The following URI1 variants were observed in gnomAD, a reference collection of about 807,000 sequenced individuals.
URI1 encodes unconventional prefoldin RPB5 interactor 1.
In URI1, 39 loss-of-function variants were observed where a neutral mutation model predicts 60.2. The ratio of observed to expected loss-of-function variants is 0.65; its 90% CI spans 0.50 to 0.85. The LOEUF (loss-of-function observed/expected upper bound fraction) is 0.85. Among genes scored for constraint, URI1 ranks in the 40% least tolerant of loss-of-function variants. The probability of loss-of-function intolerance (pLI) is 0.00; values close to 1 mark genes in which losing one functional copy is unlikely to be tolerated. For missense variants in URI1, 691 were observed against 665.9 expected (o/e 1.04, Z -0.42); for synonymous variants, 251 against 236.8 (o/e 1.06, Z -0.55).
chr19:29,929,933 A>G (rs545691294), intron 1 of URI1, among the ~76,000 whole-genome samples: 4 of 148,710 alleles, frequency 2.7e-5, no homozygotes, highest in Non-Finnish European at 5.9e-5. Context: ...CTCTCTTGAC[A>G]GTGTCTCTTT....
At chr19:29,967,850 C>G (rs888031360) in intron 1 of URI1, among the ~76,000 whole-genome samples, 1 of 152,204 alleles carries the variant, frequency 6.6e-6, no homozygotes, top group Non-Finnish European at 1.5e-5. Context: ...GTTACTTCAT[C>G]TCTGAATACA....
intron 1 of URI1, among the ~76,000 whole-genome samples, chr19:29,929,782 A>C (rs1393467522): frequency 6.8e-6 from 1 of 146,504 alleles, no homozygotes; most frequent in African/African-American, 2.4e-5. Context: ...TTCTTTGCTC[A>C]TTTTGGGGTT....
chr19:29,957,416 T>TA (rs1454853948), intron 1 of URI1, among the ~76,000 whole-genome samples: 2 of 152,112 alleles, frequency 1.3e-5, no homozygotes, highest in Non-Finnish European at 2.9e-5. Context: ...GAGTAATCCT[T>TA]ATGGAGTATG....
intron 10 of URI1, 125 bp downstream of exon 10, chr19:30,012,656 TAAAAA>T: frequency 8.4e-7 from 1 of 1,197,328 alleles, no homozygotes; most frequent in Non-Finnish European, 1.1e-6. Flanking sequence ...TACTAATTAA[TAAAAA>T]ATTAATAGTC....
intron 1 of URI1, among the ~76,000 whole-genome samples, chr19:29,948,968 C>T (rs1258361812): frequency 1.1e-4 from 16 of 149,828 alleles, no homozygotes; most frequent in South Asian, 4.2e-4. Context: ...GGCGGAGGCG[C>T]CCCCCACCTC....
At chr19:29,988,166 T>G (rs1386606774) in intron 4 of URI1, among the ~76,000 whole-genome samples, 1 of 26,868 alleles carries the variant, frequency 3.7e-5, no homozygotes, top group Non-Finnish European at 7.8e-5. Flanking sequence ...AAATTTTGTC[T>G]CAAAAAAAAA....
Position 30,015,531 on chromosome 19 carries a change from T to A in URI1, c.*462T>A. The A allele has an allele frequency of 6.5e-7, 1 of 1,534,900 alleles. No homozygotes were observed. The highest frequency in any genetic ancestry group is 8.7e-7 in the Non-Finnish European group (1 of 1,146,270). ...GCACTTTAAAAAAATCTACTTCTCT[T>A]GTAGGTTTTGCGGCTAGTTGGCTAT... On this transcript the variant is annotated 3_prime_UTR_variant, in exon 11 of 11. Transcript: ENST00000392271.
At chr19:29,957,295 C>CTTTTTTTTTT in intron 1 of URI1, among the ~76,000 whole-genome samples, 1 of 151,732 alleles carries the variant, frequency 6.6e-6, no homozygotes, top group South Asian at 2.1e-4. Context: ...TTTATAGCCG[C>CTTTTTTTTTT]TTTTGTTTTT....
At chr19:29,956,983 C>T in intron 1 of URI1, 1 of 825,828 alleles carries the variant, frequency 1.2e-6, no homozygotes, top group Non-Finnish European at 2.0e-6. Flanking sequence ...TGAGAATGGT[C>T]TTCATTCTCA....
intron 1 of URI1, among the ~76,000 whole-genome samples, chr19:29,929,056 T>C (rs975265022): frequency 1.3e-5 from 2 of 152,222 alleles, no homozygotes; most frequent in African/African-American, 2.4e-5. Context: ...ACATGTATAC[T>C]GAAACCGTGT....
chr19:29,933,672 A>G (rs1384865410), intron 1 of URI1, among the ~76,000 whole-genome samples: 1 of 151,726 alleles, frequency 6.6e-6, no homozygotes, highest in Non-Finnish European at 1.5e-5. Context: ...ATACAAAAAA[A>G]TTAGCCAGGC....
intron 1 of URI1, among the ~76,000 whole-genome samples, chr19:29,934,804 C>A (rs2054954762): frequency 1.3e-4 from 1 of 7,728 alleles, no homozygotes. Context: ...GATCCACCTG[C>A]TTTGGCTTCC....
chr19:29,992,276 G>T (rs1167254544), intron 4 of URI1, among the ~76,000 whole-genome samples: 4 of 152,138 alleles, frequency 2.6e-5, no homozygotes, highest in Non-Finnish European at 4.4e-5. Context: ...CACCATGTTG[G>T]CTAGGCTGAT....
At chr19:29,986,182 A>C in intron 3 of URI1, 100 bp from the exon 4 acceptor site, 1 of 1,196,308 alleles carries the variant, frequency 8.4e-7, no homozygotes, top group Non-Finnish European at 1.1e-6. Context: ...TATAAATAAA[A>C]AAATTCAGTT....
chr19:29,932,399 C>T lies in URI1; in HGVS notation c.63+8645C>T, dbSNP rs1324319959. 2.6e-5 allele frequency among the ~76,000 whole-genome samples: 4 copies of T among 152,034 alleles called. No homozygotes were observed. In the East Asian group the frequency reaches 5.8e-4, roughly 22 times the overall value. On this transcript the variant is annotated intron_variant, in intron 1 of 10. Transcript: ENST00000360605. ...TGGTGTGATCTCAGCTTACTGCAACCTCCGCCTCCCGGGCTCAAGTGACTC... is the reference window on the plus strand; with the variant it reads ...TGGTGTGATCTCAGCTTACTGCAACTTCCGCCTCCCGGGCTCAAGTGACTC...
intron 2 of URI1, among the ~76,000 whole-genome samples, chr19:29,984,696 A>G (rs887627761): frequency 3.3e-5 from 5 of 152,210 alleles, no homozygotes; most frequent in African/African-American, 1.2e-4. Context: ...ATAAAACCAC[A>G]TTAATCTTGA....
At chr19:29,929,883 T>C (rs1160572679) in intron 1 of URI1, among the ~76,000 whole-genome samples, 1 of 151,902 alleles carries the variant, frequency 6.6e-6, no homozygotes, top group Non-Finnish European at 1.5e-5. Context: ...AGATACAAGA[T>C]TTGCAAGTGT....
At chr19:29,944,234 A>G (rs1351104233) in intron 1 of URI1, among the ~76,000 whole-genome samples, 1 of 136,164 alleles carries the variant, frequency 7.3e-6, no homozygotes, top group Non-Finnish European at 1.6e-5. Context: ...GAAGACATTA[A>G]TGTATTTTTT....
chr19:29,978,577 A>G (rs1156334574), intron 2 of URI1, among the ~76,000 whole-genome samples: 1 of 152,154 alleles, frequency 6.6e-6, no homozygotes, highest in Non-Finnish European at 1.5e-5. Flanking sequence ...GAATATTGCA[A>G]CAACCACAGT....
Sources: allele counts gnomAD v4.1 joint callset (sites outside exome capture counted in the v4.1 genomes callset), GRCh38; gene constraint gnomAD v4.1.1; transcripts MANE v1.5; gene names NCBI Gene and HGNC (gene_info 2026-07-23, HGNC 2026-07-21).